The following TENM2 variants were observed in gnomAD, a reference collection of about 807,000 sequenced individuals.
TENM2 encodes the protein teneurin transmembrane protein 2.
Under a neutral mutation model 245.2 loss-of-function variants are expected in TENM2, and 52 were observed. The observed-to-expected ratio is 0.21, with a 90% CI of 0.17 to 0.27. The LOEUF (loss-of-function observed/expected upper bound fraction) is 0.27, where lower values mean the gene tolerates loss of function less well. TENM2 is among the 10% of genes least tolerant of loss of function. The pLI, the probability that TENM2 is intolerant of heterozygous loss-of-function variation, is 1.00. For missense variants in TENM2, 3,046 were observed against 3,666.8 expected (o/e 0.83, Z 4.37); for synonymous variants, 1,363 against 1,438.9 (o/e 0.95, Z 1.19).
At chr5:167,519,842 T>G (rs75949198) in intron 2 of TENM2, among the ~76,000 whole-genome samples, 2 of 152,098 alleles carry the variant, frequency 1.3e-5, no homozygotes, top group African/African-American at 2.4e-5. Flanking sequence ...CAGTTCGGAT[T>G]TATATTGGCA....
chr5:167,064,286 T>C, the TENM2 span, among the ~76,000 whole-genome samples: 1 of 152,200 alleles, frequency 6.6e-6, no homozygotes, highest in Non-Finnish European at 1.5e-5. Flanking sequence ...TTCAACAAAC[T>C]TCCACGGCCC....
chr5:167,293,561 G>T (rs565394844), intron 1 of TENM2, among the ~76,000 whole-genome samples: 1 of 152,010 alleles, frequency 6.6e-6, no homozygotes, highest in East Asian at 1.9e-4. Context: ...AGTGGAGGCA[G>T]ATATACTGTT....
At chr5:167,488,086 CTT>C in intron 2 of TENM2, among the ~76,000 whole-genome samples, 1 of 152,266 alleles carries the variant, frequency 6.6e-6, no homozygotes, top group African/African-American at 2.4e-5. Context: ...ACATAACACT[CTT>C]TCTCCTGCTC....
intron 13 of TENM2, chr5:168,186,521 G>A (rs1760446979): frequency 6.6e-6 from 1 of 152,122 alleles, no homozygotes; most frequent in South Asian, 2.1e-4. Context: ...GTAAGATTAA[G>A]CAGACATGAG....
At chr5:168,143,285 C>T (rs1398107322) in intron 12 of TENM2, among the ~76,000 whole-genome samples, 5 of 150,426 alleles carry the variant, frequency 3.3e-5, no homozygotes, top group Non-Finnish European at 7.4e-5. Context: ...TTTCAGAAAC[C>T]ACATTTATTT....
chr5:167,155,267 TC>T, the TENM2 span, among the ~76,000 whole-genome samples: 1 of 152,240 alleles, frequency 6.6e-6, no homozygotes, highest in Non-Finnish European at 1.5e-5. Context: ...AGCAGAATTT[TC>T]CAAGCTGTGT....
rs540551021 is a variant in TENM2 at position 167,801,860 on chromosome 5, G to A, written c.503-74126G>A. 1.4e-3 allele frequency among the ~76,000 whole-genome samples: 210 copies of A among 151,948 alleles called. 1 individual carries two copies. Among genetic ancestry groups the A allele is most frequent in the African/African-American group, 4.7e-3 (196 of 41,426 alleles). On this transcript the variant is annotated intron_variant, in intron 2 of 28. Coordinates refer to ENST00000518659, the Ensembl canonical transcript of TENM2. ...TAAGACCAGAGAGATCACAGGAAGC[G>A]TCTTAGTCCATTTGTGTTGCTGTAA...
chr5:167,868,085 A>G (rs1276428188), intron 2 of TENM2, among the ~76,000 whole-genome samples: 1 of 152,194 alleles, frequency 6.6e-6, no homozygotes, highest in African/African-American at 2.4e-5. Flanking sequence ...AAGCCATCAC[A>G]CGTAGTAATA....
chr5:168,005,521 C>A (rs866257440), intron 5 of TENM2, among the ~76,000 whole-genome samples: 16 of 152,292 alleles, frequency 1.1e-4, no homozygotes, highest in Admixed American at 3.3e-4. Flanking sequence ...TTCCACAAAG[C>A]AACAAAACCA....
chr5:167,027,956 G>A, the TENM2 span, among the ~76,000 whole-genome samples: 1 of 151,406 alleles, frequency 6.6e-6, no homozygotes, highest in Non-Finnish European at 1.5e-5. Flanking sequence ...CTGTAATCCC[G>A]GCTACTCTGG....
At chr5:167,698,679 G>GTTTTTTTTTTTTTTTTTTTTTTTT (rs1225922111) in intron 2 of TENM2, among the ~76,000 whole-genome samples, 5 of 97,740 alleles carry the variant, frequency 5.1e-5, no homozygotes, top group African/African-American at 1.3e-4. Context: ...TTTGTTTTTT[G>GTTTTTTTTTTTTTTTTTTTTTTTT]TTTTTTTTTT....
chr5:167,975,878 G>C (rs1782401995), intron 4 of TENM2, among the ~76,000 whole-genome samples: 1 of 149,784 alleles, frequency 6.7e-6, no homozygotes, highest in Non-Finnish European at 1.5e-5. Context: ...GCTTGAAATT[G>C]CTATACACAG....
intron 2 of TENM2, among the ~76,000 whole-genome samples, chr5:167,482,388 T>A (rs1417134814): frequency 2.0e-5 from 3 of 152,130 alleles, no homozygotes; most frequent in Non-Finnish European, 4.4e-5. Flanking sequence ...ATAATCTGAG[T>A]CTCCTTTGGT....
At position 167,313,091 on chromosome 5, in the gene TENM2, C is replaced by T. The variant is rs915612597; in HGVS notation, c.226+28028C>T. 5.3e-5 allele frequency among the ~76,000 whole-genome samples: 8 copies of T among 151,824 alleles called. No homozygotes were observed. The East Asian group carries it at 5.8e-4, about 11-fold the overall frequency. On this transcript the variant is annotated intron_variant, in intron 1 of 28. Transcript: ENST00000518659. ...CTAATTTTTGTACTTTTAGTAGAGA[C>T]GGGGTTTCGACAAGTTGGCCAGGCT... is the stretch of plus-strand genomic sequence containing the variant.
chr5:167,457,018 T>G (rs1765964129), intron 2 of TENM2, among the ~76,000 whole-genome samples: 1 of 152,180 alleles, frequency 6.6e-6, no homozygotes. Context: ...AGCAGATGGC[T>G]TCTTCTCACC....
chr5:167,355,922 C>T (rs1759283461), intron 1 of TENM2, among the ~76,000 whole-genome samples: 1 of 148,070 alleles, frequency 6.8e-6, no homozygotes, highest in Non-Finnish European at 1.5e-5. Context: ...GTGGCTCACA[C>T]CTGTAATCCT....
intron 2 of TENM2, among the ~76,000 whole-genome samples, chr5:167,707,068 A>C (rs943392785): frequency 2.6e-5 from 4 of 151,248 alleles, no homozygotes; most frequent in Admixed American, 6.6e-5. Context: ...TCCTCCTCAA[A>C]ACTTGTTTTC....
At chr5:167,935,059 G>C (rs989222900) in intron 3 of TENM2, 1 of 259,558 alleles carries the variant, frequency 3.9e-6, no homozygotes, top group African/African-American at 2.3e-5. Context: ...AGGGGATGAG[G>C]ACAGAGCCAG....
chr5:168,260,118 A>G (rs533612228), intron 27 of TENM2, among the ~76,000 whole-genome samples, 165 bp from the exon 30 acceptor site: 23 of 152,306 alleles, frequency 1.5e-4, no homozygotes, highest in African/African-American at 5.5e-4. Context: ...AAACCCATGT[A>G]TGGAAGCCCT....
Sources: allele counts gnomAD v4.1 joint callset (sites outside exome capture counted in the v4.1 genomes callset), GRCh38; gene constraint gnomAD v4.1.1; transcripts MANE v1.5; gene names NCBI Gene and HGNC (gene_info 2026-07-23, HGNC 2026-07-21).